Variants in MYO10 observed in about 807,000 individuals in gnomAD.
MYO10 encodes unconventional myosin-X.
A neutral mutation model predicts 257.3 loss-of-function variants in MYO10; 133 were observed. The observed-to-expected ratio is 0.52, with a 90% CI of 0.45 to 0.60. The LOEUF is 0.60. MYO10 is among the 20% of genes least tolerant of loss of function. The pLI, the probability that MYO10 is intolerant of heterozygous loss-of-function variation, is 0.00. For synonymous variants in MYO10, 1,104 were observed against 1,028.6 expected (o/e 1.07, Z -1.40); for missense variants, 2,399 against 2,635.7 (o/e 0.91, Z 1.97).
intron 4 of MYO10, among the ~76,000 whole-genome samples, chr5:16,787,466 C>T (rs1024825631): frequency 1.1e-4 from 17 of 152,272 alleles, no homozygotes; most frequent in South Asian, 4.1e-4. Flanking sequence ...CTCCAGCCTG[C>T]AGTTCCACTT....
At chr5:16,738,401 G>A in intron 19 of MYO10, 1 of 985,366 alleles carries the variant, frequency 1.0e-6, no homozygotes, top group Non-Finnish European at 1.2e-6. Context: ...TTGATTGCCT[G>A]GCATTAGAAA....
chr5:16,877,699 C>A lies in MYO10; in HGVS notation c.30G>T (p.Arg10=). The part of the protein sequence containing the change: MDNFFTEGT[R]VWLRENGQHF... ...GCTGGCCATTTTCTCTCAGCCAGACCCGTGTTCCCTGTAAACAAAACAAAC... is the reference window on the plus strand; with the variant it reads ...GCTGGCCATTTTCTCTCAGCCAGACACGTGTTCCCTGTAAACAAAACAAAC... The change falls in exon 2 of 41, where the codon CGG becomes CGT. Residue 10 remains arginine, a synonymous_variant. Coordinates refer to ENST00000513610, the MANE Select transcript of MYO10 (RefSeq NM_012334.3). 2.5e-6 allele frequency: 4 copies of A among 1,612,906 alleles called. No homozygotes were observed. The highest frequency in any genetic ancestry group is 3.4e-6 in the Non-Finnish European group (4 of 1,179,400).
intron 1 of MYO10, chr5:16,916,551 C>T (rs2126796672): frequency 6.2e-6 from 1 of 160,122 alleles, no homozygotes; most frequent in South Asian, 1.7e-4. Flanking sequence ...TTAAGATGAT[C>T]CAATTTCATT....
At chr5:16,866,014 A>ACACAC (rs1744236558) in intron 2 of MYO10, among the ~76,000 whole-genome samples, 1 of 136,484 alleles carries the variant, frequency 7.3e-6, no homozygotes, top group African/African-American at 2.8e-5. Flanking sequence ...TATTTACCCA[A>ACACAC]ACACACACAC....
At chr5:16,772,456 T>G (rs1156521967) in intron 9 of MYO10, among the ~76,000 whole-genome samples, 1 of 152,204 alleles carries the variant, frequency 6.6e-6, no homozygotes, top group African/African-American at 2.4e-5. Flanking sequence ...TTAAAGAAAA[T>G]TATGCACATG....
intron 19 of MYO10, among the ~76,000 whole-genome samples, chr5:16,748,371 A>G (rs1740274067): frequency 6.6e-6 from 1 of 152,098 alleles, no homozygotes; most frequent in South Asian, 2.1e-4. Flanking sequence ...CAGCCTCCCA[A>G]GTAGCTGGGG....
At chr5:16,825,010 G>A (rs941746645) in intron 2 of MYO10, among the ~76,000 whole-genome samples, 2 of 152,184 alleles carry the variant, frequency 1.3e-5, no homozygotes, top group South Asian at 4.1e-4. Flanking sequence ...AGTTAAGGAG[G>A]AGGAGGAGGA....
intron 2 of MYO10, among the ~76,000 whole-genome samples, chr5:16,866,690 TAAA>T (rs951093896): frequency 1.4e-5 from 2 of 147,912 alleles, no homozygotes; most frequent in African/African-American, 2.5e-5. Context: ...AATATACATT[TAAA>T]AAAAAAAGAC....
chr5:16,681,176 G>C (rs1312052013), intron 32 of MYO10, 133 bp downstream of exon 32: 1 of 928,658 alleles, frequency 1.1e-6, no homozygotes, highest in East Asian at 2.7e-5. Flanking sequence ...GACAGGCTTA[G>C]AAGATAAACC....
At chr5:16,732,256 G>A (rs1306460774) in intron 19 of MYO10, among the ~76,000 whole-genome samples, 1 of 152,010 alleles carries the variant, frequency 6.6e-6, no homozygotes, top group Non-Finnish European at 1.5e-5. Context: ...AGGAAGGAGG[G>A]ATGGAGAGAG....
chr5:16,839,334 G>A (rs1162838660), intron 2 of MYO10, among the ~76,000 whole-genome samples: 1 of 152,164 alleles, frequency 6.6e-6, no homozygotes, highest in Non-Finnish European at 1.5e-5. Flanking sequence ...ATGACATTGA[G>A]GGGTTCAAGA....
At chr5:16,878,857 A>T (rs1365339942) in intron 1 of MYO10, among the ~76,000 whole-genome samples, 3 of 152,146 alleles carry the variant, frequency 2.0e-5, no homozygotes, top group Admixed American at 1.3e-4. Flanking sequence ...GGCGAAGGAT[A>T]AAAGACTACA....
intron 28 of MYO10, among the ~76,000 whole-genome samples, chr5:16,687,737 A>C (rs900050607): frequency 6.6e-5 from 10 of 152,102 alleles, no homozygotes; most frequent in Non-Finnish European, 4.4e-5. Flanking sequence ...TCTTGTATAC[A>C]ACAAGGAAAA....
intron 2 of MYO10, among the ~76,000 whole-genome samples, chr5:16,868,208 C>A (rs555369326): frequency 2.0e-5 from 3 of 152,218 alleles, no homozygotes; most frequent in Admixed American, 6.5e-5. Flanking sequence ...AGTGACTGCT[C>A]GTGCACCTCC....
In MYO10 at chr5:16,783,402, G is replaced by T; in HGVS notation, c.535C>A (p.Gln179Lys). 6.2e-7 allele frequency: 1 copy of T among 1,608,218 alleles called. No individual in the cohort carries two copies. The highest frequency in any genetic ancestry group is 1.3e-5 in the African/African-American group (1 of 74,978). Residue 179 changes from glutamine to lysine, a missense_variant, in exon 5 of 41, where the codon CAA (glutamine) becomes AAA (lysine). Around this residue, in one of 3 missense-constraint regions of MYO10, gnomAD observed 242 missense variants for 249.5 expected, o/e 0.97. Coordinates refer to ENST00000513610, the MANE Select transcript of MYO10 (RefSeq NM_012334.3). ...TTTAAGGACAATTCCAAAGACTGTT[G>T]ACTGATGACTGACAGAAACTTGAGG... ...LILKFLSVIS[Q>K]QSLELSLKEK...
chr5:16,863,013 A>C (rs1744149823), intron 2 of MYO10, among the ~76,000 whole-genome samples: 1 of 152,214 alleles, frequency 6.6e-6, no homozygotes, highest in East Asian at 1.9e-4. Flanking sequence ...GGCATGCTTG[A>C]GTCCAGATAA....
intron 2 of MYO10, among the ~76,000 whole-genome samples, chr5:16,859,284 T>C (rs570869222): frequency 6.6e-6 from 1 of 152,166 alleles, no homozygotes; most frequent in Non-Finnish European, 1.5e-5. Context: ...TTCTGGTTCA[T>C]AGATGGGACC....
intron 37 of MYO10, among the ~76,000 whole-genome samples, chr5:16,672,032 C>G (rs530106450): frequency 6.6e-6 from 1 of 152,182 alleles, no homozygotes; most frequent in South Asian, 2.1e-4. Flanking sequence ...CAGTGGCTCA[C>G]GCCTGTAATC....
At chr5:16,881,909 T>C (rs1281458487) in intron 1 of MYO10, among the ~76,000 whole-genome samples, 1 of 152,180 alleles carries the variant, frequency 6.6e-6, no homozygotes, top group Admixed American at 6.5e-5. Context: ...GATAATTTAA[T>C]ACATTATATA....
Sources: gnomAD v4.1 joint callset for allele counts (sites outside exome capture counted in the v4.1 genomes callset) on GRCh38, gnomAD v4.1.1 for gene constraint, gnomAD v4.1.1 regional missense constraint, MANE v1.5 for transcripts, NCBI Gene and HGNC (gene_info 2026-07-23, HGNC 2026-07-21) for gene names.